Variants in BORCS8 observed in about 807,000 individuals in gnomAD.
BORCS8 encodes BLOC-1 related complex subunit 8.
In BORCS8, 13 loss-of-function variants were observed where a neutral mutation model predicts 18.7. That is an observed-to-expected ratio of 0.70 (90% confidence interval 0.45 to 1.11). The LOEUF is 1.11. Among genes scored for constraint, BORCS8 ranks in the 50% least tolerant of loss-of-function variants. The pLI is 0.00. For missense variants in BORCS8, 165 were observed against 165.7 expected, an observed-to-expected ratio of 1.00 and a Z score of 0.02; for synonymous variants, 68 against 64.8, an observed-to-expected ratio of 1.05 and a Z score of -0.24.
intron 3 of BORCS8, among the ~76,000 whole-genome samples, chr19:19,184,903 T>C (rs1476349575): frequency 6.6e-6 from 1 of 152,088 alleles, no homozygotes; most frequent in Non-Finnish European, 1.5e-5. Flanking sequence ...CCCGGCCGTA[T>C]TTCTTTCTTC....
chr19:19,190,554 C>T (rs546854623), intron 1 of BORCS8, among the ~76,000 whole-genome samples: 11 of 152,304 alleles, frequency 7.2e-5, no homozygotes, highest in African/African-American at 1.7e-4. Context: ...TTTGGGAGGC[C>T]GAAGCGGGAG....
chr19:19,189,357 G>A (rs911834673), intron 1 of BORCS8, among the ~76,000 whole-genome samples: 6 of 152,134 alleles, frequency 3.9e-5, no homozygotes, highest in African/African-American at 1.4e-4. Flanking sequence ...TGGCCTCTCT[G>A]CTTCCCCTGC....
chr19:19,189,082 A>T (rs899118104), intron 1 of BORCS8, among the ~76,000 whole-genome samples: 17 of 151,918 alleles, frequency 1.1e-4, no homozygotes, highest in Non-Finnish European at 2.9e-5. Context: ...TGATCTGCCC[A>T]CTTCGGCCTC....
intron 1 of BORCS8, among the ~76,000 whole-genome samples, chr19:19,189,305 G>T (rs2060443080): frequency 6.6e-6 from 1 of 152,094 alleles, no homozygotes; most frequent in African/African-American, 2.4e-5. Context: ...GCACAGCGAG[G>T]CACGGCCATC....
intron 3 of BORCS8, among the ~76,000 whole-genome samples, chr19:19,184,432 C>T (rs547080528): frequency 9.3e-5 from 14 of 150,676 alleles, no homozygotes; most frequent in Admixed American, 6.6e-4. Context: ...CAGCCTCCCA[C>T]GTAGCTGGGA....
chr19:19,188,970 G>A (rs2060439282), intron 1 of BORCS8, among the ~76,000 whole-genome samples: 1 of 152,078 alleles, frequency 6.6e-6, no homozygotes, highest in Admixed American at 6.6e-5. Flanking sequence ...GAGTAGCTGG[G>A]ATTACAGGCA....
intron 1 of BORCS8, among the ~76,000 whole-genome samples, chr19:19,188,991 C>T (rs1043204885): frequency 5.9e-5 from 9 of 152,106 alleles, no homozygotes; most frequent in Non-Finnish European, 8.8e-5. Flanking sequence ...CCCGCCACCA[C>T]GCCTGGCTAA....
intron 1 of BORCS8, among the ~76,000 whole-genome samples, chr19:19,191,320 C>CAAA (rs35108076): frequency 7.3e-6 from 1 of 137,524 alleles, no homozygotes; most frequent in Admixed American, 7.3e-5. Context: ...GAGACTCCGT[C>CAAA]AAAAAAAAAA....
intron 2 of BORCS8, among the ~76,000 whole-genome samples, 188 bp downstream of exon 2, chr19:19,186,705 T>C (rs1349090472): frequency 6.6e-6 from 1 of 152,256 alleles, no homozygotes; most frequent in East Asian, 1.9e-4. Context: ...TTACCCAGTC[T>C]TGGCTATGTC....
At position 19,182,386 on chromosome 19, in the gene BORCS8, A is replaced by G; in HGVS notation, c.326+187T>C. The G allele has an allele frequency of 7.2e-7, 1 of 1,391,404 alleles. No individual in the cohort carries two copies. Among genetic ancestry groups the G allele is most frequent in the Non-Finnish European group, 9.3e-7 (1 of 1,069,678 alleles). 86.2% of individuals were successfully genotyped at this position (1,391,404 alleles called of 1,614,324 possible). ...CAGGGCCAGGCACACAGCAGAGCGCAGGACCTCGGTATTAAGTGACTGAAC... is the reference window on the plus strand; with the variant it reads ...CAGGGCCAGGCACACAGCAGAGCGCGGGACCTCGGTATTAAGTGACTGAAC... On this transcript the variant is annotated intron_variant, in intron 4 of 5. Transcript: ENST00000462790. The surrounding 1 kb of genome is among the most constrained non-coding windows in gnomAD (Gnocchi z 4.1).
intron 1 of BORCS8, 84 bp from the exon 2 acceptor site, chr19:19,187,089 A>G: frequency 9.5e-7 from 1 of 1,053,854 alleles, no homozygotes; most frequent in Non-Finnish European, 1.4e-6. Flanking sequence ...GCCCAGCCAG[A>G]GCAAAGGGGG....
intron 1 of BORCS8, among the ~76,000 whole-genome samples, chr19:19,190,872 A>C (rs568173355): frequency 2.0e-5 from 3 of 152,168 alleles, no homozygotes; most frequent in Non-Finnish European, 4.4e-5. Flanking sequence ...TCCGTTATCC[A>C]TGGTTCCCGA....
At chr19:19,192,007 C>T in intron 1 of BORCS8, 74 bp downstream of exon 1, 2 of 1,533,882 alleles carry the variant, frequency 1.3e-6, no homozygotes, top group Non-Finnish European at 1.8e-6. Context: ...ACGGTCCCTC[C>T]GCGCCCGGCC....
intron 2 of BORCS8, among the ~76,000 whole-genome samples, chr19:19,186,524 G>A (rs1293054101): frequency 2.0e-5 from 3 of 152,106 alleles, no homozygotes; most frequent in African/African-American, 4.8e-5. Flanking sequence ...GAGTTCTCAC[G>A]AGATCTTGTG....
chr19:19,181,785 C>A (rs2060351501), intron 4 of BORCS8: 1 of 873,008 alleles, frequency 1.1e-6, no homozygotes, highest in Non-Finnish European at 1.4e-6. Flanking sequence ...TGCTTTCTTT[C>A]TTTTGCCCAG....
intron 4 of BORCS8, among the ~76,000 whole-genome samples, chr19:19,180,962 AGGTG>A (rs2060342850): frequency 6.6e-6 from 1 of 152,178 alleles, no homozygotes; most frequent in Non-Finnish European, 1.5e-5. Context: ...TGGGAGGCTG[AGGTG>A]GGTGGATCAC....
chr19:19,190,749 T>TA (rs779506352), intron 1 of BORCS8, among the ~76,000 whole-genome samples: 9 of 151,746 alleles, frequency 5.9e-5, no homozygotes, highest in Non-Finnish European at 1.3e-4. Context: ...GATCACGCCA[T>TA]TGCACTCCAG....
chr19:19,183,653 C>T (rs549264397), intron 3 of BORCS8, among the ~76,000 whole-genome samples: 159 of 149,850 alleles, frequency 1.1e-3, no homozygotes, highest in African/African-American at 3.4e-3. Flanking sequence ...GGTGTGATCT[C>T]GGCTCACTGC....
Position 19,182,317 on chromosome 19 carries a change from G to A in BORCS8, c.326+256C>T. ...ACCTGGTTGTCGTATGTCTCCTTGTGAGCCTGTCTGTCTCGGTCACTGCTA... is the reference window on the plus strand; with the variant it reads ...ACCTGGTTGTCGTATGTCTCCTTGTAAGCCTGTCTGTCTCGGTCACTGCTA... On this transcript the variant is annotated intron_variant, in intron 4 of 5. Transcript: ENST00000462790. This position sits in a 1 kb window ranked among gnomAD's most constrained non-coding sequence, Gnocchi z 4.1. 1.1e-6 allele frequency: 1 copy of A among 870,674 alleles called. No individual in the cohort carries two copies. The highest frequency in any genetic ancestry group is 1.7e-5 in the African/African-American group (1 of 58,708). 53.9% of individuals were successfully genotyped at this position (870,674 alleles called of 1,614,324 possible).
Sources: allele counts gnomAD v4.1 joint callset (sites outside exome capture counted in the v4.1 genomes callset), GRCh38; gene constraint gnomAD v4.1.1; non-coding constraint Gnocchi (gnomAD v3.1); transcripts MANE v1.5; gene names NCBI Gene and HGNC (gene_info 2026-07-23, HGNC 2026-07-21).